The following LSM14B variants were observed in gnomAD, a reference collection of about 807,000 sequenced individuals.
The protein encoded by LSM14B is LSM family member 14B.
In LSM14B, 8 loss-of-function variants were observed where a neutral mutation model predicts 42.1. That is an observed-to-expected ratio of 0.19 (90% confidence interval 0.11 to 0.34). LSM14B has a LOEUF of 0.34. Ranked by LOEUF, LSM14B falls within the 10% of genes least tolerant of loss-of-function variation. LSM14B has a pLI of 1.00. For missense variants in LSM14B, 396 were observed against 513.1 expected (o/e 0.77, Z 2.21); for synonymous variants, 219 against 209.7 (o/e 1.04, Z -0.38).
At position 62,129,891 on chromosome 20, in the gene LSM14B, G is replaced by C; in HGVS notation, c.534G>C (p.Lys178Asn). 2 of 1,613,406 alleles carry C rather than the reference G, an allele frequency of 1.2e-6. No individual in the cohort carries two copies. The highest frequency in any genetic ancestry group is 1.7e-6 in the Non-Finnish European group (2 of 1,179,738). Residue 178 changes from lysine (K) to asparagine (N), a missense_variant, in exon 4 of 9, where the codon AAG (lysine) becomes AAC (asparagine). By Grantham distance (94) the Lys-to-Asn change is moderately conservative (BLOSUM62 0). Transcript: ENST00000279068. ...NLNAKKLLPGKGTTGTQLNGR... is the reference protein window; with the variant it reads ...NLNAKKLLPGNGTTGTQLNGR... ...ATGCTAAAAAGCTGTTACCTGGCAA[G>C]GGCACCACAGGGACGCAGCTCAACG...
At chr20:62,124,413 T>C (rs1211482060) in intron 1 of LSM14B, among the ~76,000 whole-genome samples, 2 of 152,264 alleles carry the variant, frequency 1.3e-5, no homozygotes, top group Non-Finnish European at 2.9e-5. Flanking sequence ...CTGTCTGTTG[T>C]CTGGAGCTTC....
intron 3 of LSM14B, 71 bp from the exon 4 acceptor site, chr20:62,129,714 G>C (rs2056707883): frequency 6.9e-7 from 1 of 1,444,946 alleles, no homozygotes; most frequent in Non-Finnish European, 9.3e-7. Flanking sequence ...CAGCAGAAGA[G>C]AAATGCCTGG....
At position 62,134,453 on chromosome 20, in the gene LSM14B, A is replaced by T; in HGVS notation, c.*305A>T. The T allele has an allele frequency of 3.7e-6, 1 of 268,548 alleles. No homozygotes were observed. The highest frequency in any genetic ancestry group is 7.7e-6 in the Non-Finnish European group (1 of 129,164). 16.6% of individuals were successfully genotyped at this position (268,548 alleles called of 1,614,324 possible). A position where few individuals can be genotyped will look rare whatever the true frequency, so the allele number is the denominator to read the frequency against. On this transcript the variant is annotated 3_prime_UTR_variant, in exon 9 of 9. Transcript: ENST00000279068. Reference sequence around the variant, plus strand: ...TTTGCAAAAAGGTTTCTATAGTGAAAGCTGAATCCTTACTTTGTGACTTTT... The same window carrying T: ...TTTGCAAAAAGGTTTCTATAGTGAATGCTGAATCCTTACTTTGTGACTTTT...
chr20:62,124,065 T>C (rs2056507954), intron 1 of LSM14B, among the ~76,000 whole-genome samples: 1 of 152,202 alleles, frequency 6.6e-6, no homozygotes, highest in African/African-American at 2.4e-5. Context: ...TAGACTCAAT[T>C]CCTTATAGAT....
intron 3 of LSM14B, 43 bp downstream of exon 3, chr20:62,126,482 A>G: frequency 6.3e-7 from 1 of 1,595,340 alleles, no homozygotes; most frequent in South Asian, 1.1e-5. Flanking sequence ...CTTGCGTGTA[A>G]CTGTCACTGA....
chr20:62,130,050 C>G lies in LSM14B; in HGVS notation c.595+98C>G. The stretch of plus-strand genomic sequence containing the variant: ...TTTTTTTTTAATTAAAAAAATACTA[C>G]TCCCCCATCCTAAGCCCCATGTGCT... On this transcript the variant is annotated intron_variant, in intron 4 of 8. Coordinates refer to ENST00000279068, the MANE Select transcript of LSM14B (RefSeq NM_144703.3). This position sits in a 1 kb window ranked among gnomAD's most constrained non-coding sequence, Gnocchi z 4.1. 5.0e-6 allele frequency: 7 copies of G among 1,405,766 alleles called. No homozygotes were observed. The highest frequency in any genetic ancestry group is 5.7e-6 in the Non-Finnish European group (6 of 1,054,072). The allele number at this position is 1,405,766 out of a possible 1,614,324, so 87.1% of individuals were successfully genotyped here. A position where few individuals can be genotyped will look rare whatever the true frequency, so the allele number is the denominator to read the frequency against.
intron 1 of LSM14B, chr20:62,123,002 A>G (rs2056450401): frequency 7.5e-6 from 2 of 266,012 alleles, no homozygotes; most frequent in East Asian, 1.5e-4. Context: ...ACCCTCCCCC[A>G]GCGTAGCCGG....
At chr20:62,124,462 G>A (rs1473593129) in intron 1 of LSM14B, among the ~76,000 whole-genome samples, 155 bp from the exon 2 acceptor site, 2 of 152,218 alleles carry the variant, frequency 1.3e-5, no homozygotes, top group African/African-American at 4.8e-5. Flanking sequence ...ATTGAAAATC[G>A]GGGCATTAAG....
rs2056859420 is a variant in LSM14B at position 62,134,729 on chromosome 20, C to T, written c.*581C>T. On this transcript the variant is annotated 3_prime_UTR_variant, in exon 9 of 9. Coordinates refer to ENST00000279068, the MANE Select transcript of LSM14B (RefSeq NM_144703.3). Reference sequence around the variant, plus strand: ...ATGTTGTATAAGTGAACCAGACCACCCTGATGGCATCCACAGTGATGTCAA... The same window carrying T: ...ATGTTGTATAAGTGAACCAGACCACTCTGATGGCATCCACAGTGATGTCAA... 1 of 175,876 alleles carries T rather than the reference C, an allele frequency of 5.7e-6. No homozygotes were observed. The highest frequency in any genetic ancestry group is 1.2e-5 in the Non-Finnish European group (1 of 83,064). The allele number at this position is 175,876 out of a possible 1,614,324, so 10.9% of individuals were successfully genotyped here. A position where few individuals can be genotyped will look rare whatever the true frequency, so the allele number is the denominator to read the frequency against.
intron 2 of LSM14B, 72 bp downstream of exon 2, chr20:62,124,852 T>G: frequency 2.7e-6 from 4 of 1,497,644 alleles, no homozygotes; most frequent in Non-Finnish European, 3.6e-6. Context: ...GGTGGCATGT[T>G]TGGTCAGAAC....
Position 62,124,766 on chromosome 20 carries a change from C to G in LSM14B, c.277C>G (p.Pro93Ala). 6.2e-7 allele frequency: 1 copy of G among 1,612,834 alleles called. No individual in the cohort carries two copies. The highest frequency in any genetic ancestry group is 8.5e-7 in the Non-Finnish European group (1 of 1,179,340). Reference protein sequence around the residue: ...PKAQHTLPQDPAIVQSSLGSA... With the variant: ...PKAQHTLPQDAAIVQSSLGSA... ...AGCTCAGCACACACTCCCGCAGGAT[C>G]CCGCCATTGTTCAGGTAAGTGTGCC... The change falls in exon 2 of 9, where the codon CCC becomes GCC. Residue 93 changes from proline (P) to alanine (A), a missense_variant. Transcript: ENST00000279068.
chr20:62,126,642 A>T (rs1175514055), intron 3 of LSM14B, among the ~76,000 whole-genome samples: 1 of 152,244 alleles, frequency 6.6e-6, no homozygotes, highest in African/African-American at 2.4e-5. Context: ...AAGAGGCAGC[A>T]GCCTGAGTGT....
chr20:62,133,969 C>T (rs570841323), intron 8 of LSM14B, among the ~76,000 whole-genome samples, 194 bp from the exon 9 acceptor site: 1 of 152,240 alleles, frequency 6.6e-6, no homozygotes, highest in Admixed American at 6.5e-5. Flanking sequence ...AAAGACTAGC[C>T]CTCCTGCCAC....
chr20:62,126,081 A>G (rs2056590494), intron 2 of LSM14B: 1 of 643,916 alleles, frequency 1.6e-6, no homozygotes, highest in Non-Finnish European at 2.7e-6. Flanking sequence ...ACAAAACAAA[A>G]CAAAAAAAGG....
chr20:62,127,845 T>G, intron 3 of LSM14B: 2 of 728,666 alleles, frequency 2.7e-6, no homozygotes, highest in Non-Finnish European at 5.1e-6. Flanking sequence ...TGCTTCAGCA[T>G]GTAGTCCTGA....
Position 62,131,597 on chromosome 20 carries a change from T to C in LSM14B, c.986+91T>C, listed in dbSNP as rs895484613. On this transcript the variant is annotated intron_variant, in intron 7 of 8. Coordinates refer to ENST00000279068, the MANE Select transcript of LSM14B (RefSeq NM_144703.3). ...TCAACCTGAGGGCAGAGCTGGACTCTGAGGCTCAGGGTAGCTGTTCTAGGG... is the reference window on the plus strand; with the variant it reads ...TCAACCTGAGGGCAGAGCTGGACTCCGAGGCTCAGGGTAGCTGTTCTAGGG... 5 of 1,512,226 alleles carry C rather than the reference T, an allele frequency of 3.3e-6. No individual in the cohort carries two copies. The African/African-American group carries it at 6.9e-5, about 21-fold the overall frequency. 93.7% of individuals were successfully genotyped at this position (1,512,226 alleles called of 1,614,324 possible).
intron 3 of LSM14B, chr20:62,127,526 G>A (rs2056641686): frequency 1.7e-6 from 2 of 1,202,766 alleles, no homozygotes; most frequent in Non-Finnish European, 2.4e-6. Context: ...CACAAGACAA[G>A]TGTATCCTGA....
At position 62,124,758 on chromosome 20, in the gene LSM14B, C is replaced by T; in HGVS notation, c.269C>T (p.Pro90Leu). Residue 90 changes from proline to leucine, a missense_variant, in exon 2 of 9, where the codon CCG becomes CTG. This residue lies in a region of LSM14B where 274 missense variants were observed against 335.8 expected (regional missense o/e 0.82). Coordinates refer to ENST00000279068, the MANE Select transcript of LSM14B (RefSeq NM_144703.3). Reference sequence around the variant, plus strand: ...CCTCCGAAAGCTCAGCACACACTCCCGCAGGATCCCGCCATTGTTCAGGTA... The same window carrying T: ...CCTCCGAAAGCTCAGCACACACTCCTGCAGGATCCCGCCATTGTTCAGGTA... ...CEPPKAQHTL[P>L]QDPAIVQSSL... The T allele has an allele frequency of 4.3e-6, 7 of 1,613,110 alleles. No homozygotes were observed. The highest frequency in any genetic ancestry group is 5.1e-6 in the Non-Finnish European group (6 of 1,179,524).
chr20:62,124,492 C>T (rs2056525777), intron 1 of LSM14B, 125 bp from the exon 2 acceptor site: 2 of 936,556 alleles, frequency 2.1e-6, no homozygotes, highest in African/African-American at 1.7e-5. Flanking sequence ...AAATGTGGAC[C>T]TGGGGTGCTG....
Sources: allele counts gnomAD v4.1 joint callset (sites outside exome capture counted in the v4.1 genomes callset), GRCh38; gene constraint gnomAD v4.1.1; regional missense constraint gnomAD v4.1.1; non-coding constraint Gnocchi (gnomAD v3.1); transcripts MANE v1.5; gene names NCBI Gene and HGNC (gene_info 2026-07-23, HGNC 2026-07-21).